Variants in KIF16B observed in about 807,000 individuals in gnomAD.
KIF16B encodes kinesin-like protein KIF16B.
In KIF16B, 98 loss-of-function variants were observed where a neutral mutation model predicts 156.3. The observed-to-expected ratio is 0.63, with a 90% CI of 0.53 to 0.74. The LOEUF is 0.74. KIF16B is among the 30% of genes least tolerant of loss of function. The probability of loss-of-function intolerance (pLI) is 0.00; values close to 1 mark genes in which losing one functional copy is unlikely to be tolerated. For synonymous variants in KIF16B, 564 were observed against 583.7 expected (o/e 0.97, Z 0.49); for missense variants, 1,421 against 1,606.5 (o/e 0.88, Z 1.97).
intron 24 of KIF16B, 62 bp downstream of exon 24, chr20:16,335,864 A>G: frequency 2.0e-6 from 2 of 984,352 alleles, no homozygotes; most frequent in East Asian, 2.4e-5. Flanking sequence ...TGCTAATGCA[A>G]TCAGCTCATT....
chr20:16,442,836 G>T (rs6111126), intron 12 of KIF16B, among the ~76,000 whole-genome samples: 1 of 152,088 alleles, frequency 6.6e-6, no homozygotes, highest in Non-Finnish European at 1.5e-5. Flanking sequence ...AAAGCAAGAA[G>T]GTGATGAAGA....
At chr20:16,352,953 G>A (rs1379333415) in intron 23 of KIF16B, among the ~76,000 whole-genome samples, 1 of 152,200 alleles carries the variant, frequency 6.6e-6, no homozygotes, top group Non-Finnish European at 1.5e-5. Flanking sequence ...CTGCCCTGCT[G>A]GTCACAGAGG....
chr20:16,378,659 A>C (rs1306840183), intron 19 of KIF16B, 146 bp downstream of exon 19: 1 of 804,078 alleles, frequency 1.2e-6, no homozygotes, highest in East Asian at 2.6e-5. Flanking sequence ...AGTTCTGGCA[A>C]ATATAAGCAT....
At chr20:16,279,761 A>T (rs937588883) in intron 25 of KIF16B, among the ~76,000 whole-genome samples, 1 of 152,226 alleles carries the variant, frequency 6.6e-6, no homozygotes, top group Non-Finnish European at 1.5e-5. Context: ...ATCTACACAT[A>T]GCCCAATCTT....
chr20:16,343,225 C>T (rs528545976), intron 23 of KIF16B, among the ~76,000 whole-genome samples: 1 of 152,194 alleles, frequency 6.6e-6, no homozygotes, highest in Non-Finnish European at 1.5e-5. Flanking sequence ...GCAACTTAAA[C>T]GCCATAAACA....
chr20:16,328,029 G>C (rs576034417), intron 24 of KIF16B, among the ~76,000 whole-genome samples: 1 of 152,234 alleles, frequency 6.6e-6, no homozygotes, highest in South Asian at 2.1e-4. Flanking sequence ...CAAATACAAG[G>C]CCAACAGCCA....
At position 16,367,931 on chromosome 20, in the gene KIF16B, G is replaced by A. The variant is rs6105588; in HGVS notation, c.3498+2655C>T. On this transcript the variant is annotated intron_variant, in intron 22 of 25. Coordinates refer to ENST00000354981, the MANE Select transcript of KIF16B (RefSeq NM_024704.5). ...CCACCAAAGCCAATCTGAATCTCCT[G>A]TAGACCAGAGAGAGGTAGAGCATGA... 1,204 of 1,458,504 alleles carry A rather than the reference G, an allele frequency of 8.3e-4. 5 individuals carry two copies. In the African/African-American group the frequency reaches 0.016, roughly 19 times the overall value. 90.3% of individuals were successfully genotyped at this position (1,458,504 alleles called of 1,614,324 possible).
rs2065892879 is a variant in KIF16B at position 16,410,018 on chromosome 20, C to CATATATATATGTAGGTACAT, written c.1613-3582_1613-3563dup. ...GTAGGTACATATATATATGTAGGTA[C>CATATATATATGTAGGTACAT]ATATATATATGTAGGTACATATATA... On this transcript the variant is annotated intron_variant, in intron 15 of 25. Transcript: ENST00000354981. Among the ~76,000 whole-genome samples, 33 of 55,206 alleles carry CATATATATATGTAGGTACAT rather than the reference C, an allele frequency of 6.0e-4. 7 individuals are homozygous for CATATATATATGTAGGTACAT. The East Asian group carries it at 8.7e-3, about 15-fold the overall frequency. 36.2% of individuals were successfully genotyped at this position (55,206 alleles called of 152,430 possible). A position where few individuals can be genotyped will look rare whatever the true frequency, so the allele number is the denominator to read the frequency against.
rs531020382 is a variant in KIF16B at position 16,370,690 on chromosome 20, G to A, written c.3448-54C>T. 3.1e-4 allele frequency: 405 copies of A among 1,315,966 alleles called. 5 individuals carry two copies. In the South Asian group the frequency reaches 5.1e-3, roughly 16 times the overall value. 81.5% of individuals were successfully genotyped at this position (1,315,966 alleles called of 1,614,324 possible). A position where few individuals can be genotyped will look rare whatever the true frequency, so the allele number is the denominator to read the frequency against. ...TTAAATTATAGCAAGTTCACGGGGC[G>A]GGGGACTGATTCGATTACAAGTATT... On this transcript the variant is annotated intron_variant, in intron 21 of 25. Coordinates refer to ENST00000354981, the MANE Select transcript of KIF16B (RefSeq NM_024704.5).
At position 16,404,905 on chromosome 20, in the gene KIF16B, A is replaced by G. The variant is rs898753682; in HGVS notation, c.1696-4T>C. 3.1e-6 allele frequency: 5 copies of G among 1,611,100 alleles called. No homozygotes were observed. Among genetic ancestry groups the G allele is most frequent in the Non-Finnish European group, 4.2e-6 (5 of 1,177,844 alleles). On this transcript the variant is annotated splice_region_variant and splice_polypyrimidine_tract_variant and intron_variant, in intron 16 of 25. Transcript: ENST00000354981. ...TGAAGGAGGACAGAAGGCCACTCTA[A>G]GGGCAGACACAGGGCAGAGTGGTTA... is the stretch of plus-strand genomic sequence containing the variant.
intron 17 of KIF16B, among the ~76,000 whole-genome samples, chr20:16,390,869 G>T (rs565663823): frequency 6.6e-6 from 1 of 152,320 alleles, no homozygotes; most frequent in African/African-American, 2.4e-5. Flanking sequence ...ATAAAGAATG[G>T]ACAGCGTGCC....
chr20:16,324,182 T>C (rs992516181), intron 24 of KIF16B, among the ~76,000 whole-genome samples: 4 of 152,036 alleles, frequency 2.6e-5, no homozygotes. Flanking sequence ...GAACCTGTCA[T>C]TGTTATCATC....
At chr20:16,382,298 A>C (rs1336486654) in intron 17 of KIF16B, among the ~76,000 whole-genome samples, 1 of 152,208 alleles carries the variant, frequency 6.6e-6, no homozygotes, top group East Asian at 1.9e-4. Context: ...TTTCCCAATA[A>C]TTTCATGAAA....
chr20:16,377,210 G>T (rs542995012), intron 19 of KIF16B, among the ~76,000 whole-genome samples: 1 of 152,004 alleles, frequency 6.6e-6, no homozygotes, highest in African/African-American at 2.4e-5. Flanking sequence ...TGCTGTGGGT[G>T]GGGGGAGTAC....
At chr20:16,494,546 A>T (rs1379397289) in intron 11 of KIF16B, among the ~76,000 whole-genome samples, 196 bp from the exon 12 acceptor site, 1 of 152,206 alleles carries the variant, frequency 6.6e-6, no homozygotes, top group Non-Finnish European at 1.5e-5. Context: ...CATTAGGGCA[A>T]AGGAAAGAAC....
At chr20:16,442,783 C>A (rs1457209558) in intron 12 of KIF16B, among the ~76,000 whole-genome samples, 2 of 151,868 alleles carry the variant, frequency 1.3e-5, no homozygotes, top group African/African-American at 2.4e-5. Flanking sequence ...TATTTCTTAG[C>A]CAGTTGAGGA....
intron 24 of KIF16B, among the ~76,000 whole-genome samples, chr20:16,328,923 T>C (rs2063901940): frequency 6.6e-6 from 1 of 152,252 alleles, no homozygotes. Context: ...GTAGGTTAAA[T>C]TTCAACACAA....
At chr20:16,456,092 G>A (rs2067204353) in intron 12 of KIF16B, among the ~76,000 whole-genome samples, 1 of 122,588 alleles carries the variant, frequency 8.2e-6, no homozygotes, top group Non-Finnish European at 1.7e-5. Flanking sequence ...TTCTTCTACT[G>A]GAGCCAATAC....
At chr20:16,571,144 T>C (rs1378809486) in intron 1 of KIF16B, among the ~76,000 whole-genome samples, 2 of 152,178 alleles carry the variant, frequency 1.3e-5, no homozygotes, top group Non-Finnish European at 2.9e-5. Context: ...ATTGTCCACC[T>C]TCCTCAAACC....
Sources: allele counts gnomAD v4.1 joint callset (sites outside exome capture counted in the v4.1 genomes callset), GRCh38; gene constraint gnomAD v4.1.1; transcripts MANE v1.5; gene names NCBI Gene and HGNC (gene_info 2026-07-23, HGNC 2026-07-21).